SERGEF: variants seen among roughly 807,000 people sequenced by gnomAD.
SERGEF encodes the protein secretion-regulating guanine nucleotide exchange factor.
SERGEF carries 51 observed loss-of-function variants against 50.0 expected under a neutral mutation model. That is an observed-to-expected ratio of 1.02 (90% confidence interval 0.81 to 1.29). The LOEUF (loss-of-function observed/expected upper bound fraction) is 1.29, where lower values mean the gene tolerates loss of function less well. SERGEF is among the 50% of genes most tolerant of loss of function. The pLI, the probability that SERGEF is intolerant of heterozygous loss-of-function variation, is 0.00. For missense variants in SERGEF, 521 were observed against 557.0 expected (o/e 0.94, Z 0.65); for synonymous variants, 205 against 212.4 (o/e 0.97, Z 0.30).
Position 17,970,447 on chromosome 11 carries a change from A to G in SERGEF, c.845-10811T>C, listed in dbSNP as rs544313106. Among the ~76,000 whole-genome samples the G allele has an allele frequency of 3.9e-5, 6 of 152,224 alleles. No individual in the cohort carries two copies. The South Asian group carries it at 1.2e-3, about 32-fold the overall frequency. ...AGGCCTCCCTATTTCCGGAGACAAAACAATATTGAAATTAGGCCAATTAAT... is the reference window on the plus strand; with the variant it reads ...AGGCCTCCCTATTTCCGGAGACAAAGCAATATTGAAATTAGGCCAATTAAT... On this transcript the variant is annotated intron_variant, in intron 8 of 10. Coordinates refer to ENST00000265965, the MANE Select transcript of SERGEF (RefSeq NM_012139.4).
At chr11:17,834,339 C>T (rs1372439736) in intron 10 of SERGEF, among the ~76,000 whole-genome samples, 1 of 152,186 alleles carries the variant, frequency 6.6e-6, no homozygotes, top group Non-Finnish European at 1.5e-5. Flanking sequence ...TCACATGAAA[C>T]TGTTAAGTCC....
At chr11:18,001,992 T>C in intron 4 of SERGEF, 1 of 456,258 alleles carries the variant, frequency 2.2e-6, no homozygotes, top group South Asian at 1.5e-5. Context: ...AAACACAACA[T>C]CCCAGATGCA....
At chr11:17,994,345 A>G (rs895284706) in intron 6 of SERGEF, among the ~76,000 whole-genome samples, 9 of 151,850 alleles carry the variant, frequency 5.9e-5, no homozygotes, top group African/African-American at 7.3e-5. Flanking sequence ...GCGTGGTGGC[A>G]GGCGCCAGTA....
chr11:17,970,336 C>T (rs1292832427), intron 8 of SERGEF, among the ~76,000 whole-genome samples: 1 of 152,134 alleles, frequency 6.6e-6, no homozygotes, highest in Non-Finnish European at 1.5e-5. Context: ...CATCATGAAC[C>T]ATGCCCATGT....
chr11:17,977,855 G>A (rs772192874), intron 8 of SERGEF, among the ~76,000 whole-genome samples: 1 of 152,066 alleles, frequency 6.6e-6, no homozygotes, highest in Non-Finnish European at 1.5e-5. Flanking sequence ...CAAATCTTCT[G>A]GTATTTTGAT....
At chr11:17,835,421 C>T (rs1357363057) in intron 10 of SERGEF, among the ~76,000 whole-genome samples, 1 of 152,194 alleles carries the variant, frequency 6.6e-6, no homozygotes, top group Admixed American at 6.5e-5. Context: ...AGACTTCCTA[C>T]ATATATGGTG....
chr11:17,983,569 TAAGGA>T (rs1253777651), intron 8 of SERGEF, among the ~76,000 whole-genome samples: 2 of 152,134 alleles, frequency 1.3e-5, no homozygotes, highest in Non-Finnish European at 2.9e-5. Context: ...ACTTTCCTAA[TAAGGA>T]AATAAGTTCA....
chr11:18,001,517 C>CA (rs1853961738), intron 4 of SERGEF, among the ~76,000 whole-genome samples: 1 of 152,194 alleles, frequency 6.6e-6, no homozygotes, highest in African/African-American at 2.4e-5. Flanking sequence ...GGCTTTACCA[C>CA]ATTTGTTTAT....
chr11:17,933,787 C>T (rs1852398886), intron 9 of SERGEF, among the ~76,000 whole-genome samples: 1 of 151,188 alleles, frequency 6.6e-6, no homozygotes, highest in African/African-American at 2.4e-5. Context: ...GAAAATAGTT[C>T]TCAGTGTTGT....
At chr11:17,868,957 T>G (rs556081301) in intron 10 of SERGEF, among the ~76,000 whole-genome samples, 11 of 152,212 alleles carry the variant, frequency 7.2e-5, no homozygotes, top group African/African-American at 2.6e-4. Flanking sequence ...AATATGAGAT[T>G]TGGGTAGGGA....
At chr11:17,993,645 G>A (rs534892824) in intron 6 of SERGEF, among the ~76,000 whole-genome samples, 1 of 152,244 alleles carries the variant, frequency 6.6e-6, no homozygotes, top group East Asian at 1.9e-4. Context: ...GACTTATTCT[G>A]TAACTTTTTT....
At chr11:17,922,718 T>G (rs1213117708) in intron 9 of SERGEF, among the ~76,000 whole-genome samples, 1 of 152,226 alleles carries the variant, frequency 6.6e-6, no homozygotes, top group East Asian at 1.9e-4. Flanking sequence ...GTGTCCTCAC[T>G]GTATGACTTG....
intron 9 of SERGEF, among the ~76,000 whole-genome samples, chr11:17,898,078 G>A (rs1455147142): frequency 5.3e-5 from 8 of 152,154 alleles, no homozygotes; most frequent in African/African-American, 2.4e-5. Flanking sequence ...CACTGGCAGG[G>A]CTGAGCATTC....
At chr11:17,808,923 T>C (rs1439343322) in intron 10 of SERGEF, among the ~76,000 whole-genome samples, 2 of 152,206 alleles carry the variant, frequency 1.3e-5, no homozygotes, top group Non-Finnish European at 2.9e-5. Context: ...AAGGAATATA[T>C]AGGTATTGGG....
chr11:17,880,313 C>A (rs1334648437), intron 9 of SERGEF, among the ~76,000 whole-genome samples: 3 of 152,208 alleles, frequency 2.0e-5, no homozygotes, highest in Non-Finnish European at 4.4e-5. Context: ...TGCTTCCTGG[C>A]TGTAATGAGG....
intron 8 of SERGEF, among the ~76,000 whole-genome samples, chr11:17,978,207 C>T (rs764669593): frequency 6.6e-6 from 1 of 152,072 alleles, no homozygotes; most frequent in African/African-American, 2.4e-5. Flanking sequence ...CAGTACCTGG[C>T]AGAGCACCTA....
intron 10 of SERGEF, among the ~76,000 whole-genome samples, chr11:17,801,124 G>A (rs1849661337): frequency 6.6e-6 from 1 of 151,834 alleles, no homozygotes; most frequent in Non-Finnish European, 1.5e-5. Flanking sequence ...GAACCTGGGA[G>A]GCGGAGCTTG....
At chr11:17,820,962 C>T (rs1850070537) in intron 10 of SERGEF, among the ~76,000 whole-genome samples, 1 of 152,212 alleles carries the variant, frequency 6.6e-6, no homozygotes, top group Admixed American at 6.5e-5. Flanking sequence ...AGCCCACAGA[C>T]TCTCTGCAGA....
intron 6 of SERGEF, among the ~76,000 whole-genome samples, chr11:17,993,934 A>G (rs775003737): frequency 3.9e-5 from 6 of 152,160 alleles, no homozygotes; most frequent in Non-Finnish European, 5.9e-5. Context: ...CTCCCCCAAA[A>G]CCAACTCTGA....
Sources: gnomAD v4.1 joint callset for allele counts (sites outside exome capture counted in the v4.1 genomes callset) on GRCh38, gnomAD v4.1.1 for gene constraint, MANE v1.5 for transcripts, NCBI Gene and HGNC (gene_info 2026-07-23, HGNC 2026-07-21) for gene names.